Variants in MON2 observed in about 807,000 individuals in gnomAD.
MON2 encodes protein MON2 homolog.
Under a neutral mutation model 208.6 loss-of-function variants are expected in MON2, and 84 were observed. The ratio of observed to expected loss-of-function variants is 0.40; its 90% CI spans 0.34 to 0.48. The LOEUF (loss-of-function observed/expected upper bound fraction) is 0.48. MON2 is among the 20% of genes least tolerant of loss of function. MON2 has a pLI of 0.59. For missense variants in MON2, 1,611 were observed against 2,015.4 expected (o/e 0.80, Z 3.84); for synonymous variants, 660 against 694.0 (o/e 0.95, Z 0.77).
In MON2 at chr12:62,571,393, C is replaced by T; in HGVS notation, c.4325C>T (p.Thr1442Ile). 3 of 1,587,580 alleles carry T rather than the reference C, an allele frequency of 1.9e-6. No individual in the cohort carries two copies. Among genetic ancestry groups the T allele is most frequent in the Non-Finnish European group, 2.6e-6 (3 of 1,164,144 alleles). The change falls in exon 30 of 35, where the codon ACT (threonine) becomes ATT (isoleucine). Residue 1442 changes from threonine (T) to isoleucine (I), a missense_variant and splice_region_variant. By Grantham distance (89) the Thr-to-Ile change is moderately conservative. Coordinates refer to ENST00000393630, the MANE Select transcript of MON2 (RefSeq NM_015026.3). Reference sequence around the variant, plus strand: ...ATATTAAACTGTCTTTATTTTCAGACTCTTAGGGTTCCTCTCAGTTTGAAG... The same window carrying T: ...ATATTAAACTGTCTTTATTTTCAGATTCTTAGGGTTCCTCTCAGTTTGAAG... The part of the protein sequence containing the change: ...NEKVLQNIIK[T>I]LRVPLSLKYS...
intron 11 of MON2, among the ~76,000 whole-genome samples, chr12:62,527,929 C>T (rs1369203662): frequency 6.6e-6 from 1 of 151,754 alleles, no homozygotes; most frequent in Non-Finnish European, 1.5e-5. Context: ...TTAGTAAAAG[C>T]CTACCAACAC....
intron 1 of MON2, among the ~76,000 whole-genome samples, 167 bp from the exon 2 acceptor site, chr12:62,484,003 G>C (rs541395477): frequency 1.3e-5 from 2 of 152,252 alleles, no homozygotes; most frequent in Admixed American, 6.5e-5. Context: ...TACATTTAAC[G>C]TATATGTCAC....
At position 62,501,447 on chromosome 12, in the gene MON2, T is replaced by C. The variant is rs565329395; in HGVS notation, c.664-126T>C. ...TGTCAAAATTGGAATTACCAGTGCT[T>C]AGTTTCTAAGGAGCAAAAACATGTA... On this transcript the variant is annotated intron_variant, in intron 6 of 34. Transcript: ENST00000393630. 2.5e-4 allele frequency: 267 copies of C among 1,061,372 alleles called. 2 individuals are homozygous for C. In the African/African-American group the frequency reaches 4.0e-3, roughly 16 times the overall value. The allele number at this position is 1,061,372 out of a possible 1,614,324, so 65.7% of individuals were successfully genotyped here. A position where few individuals can be genotyped will look rare whatever the true frequency, so the allele number is the denominator to read the frequency against.
intron 16 of MON2, 93 bp downstream of exon 16, chr12:62,537,799 G>A: frequency 1.0e-6 from 1 of 998,644 alleles, no homozygotes; most frequent in Non-Finnish European, 1.5e-6. Flanking sequence ...GTTTTGGACA[G>A]GCCTAAAAAA....
intron 1 of MON2, among the ~76,000 whole-genome samples, chr12:62,471,895 T>C (rs1382543814): frequency 2.6e-5 from 4 of 152,224 alleles, no homozygotes; most frequent in Non-Finnish European, 5.9e-5. Flanking sequence ...CGGGTTTGAA[T>C]GTGACAAATT....
chr12:62,507,638 TA>T (rs2071174081), intron 7 of MON2, among the ~76,000 whole-genome samples: 1 of 152,084 alleles, frequency 6.6e-6, no homozygotes, highest in Non-Finnish European at 1.5e-5. Flanking sequence ...TTCTTCTGTT[TA>T]TGTTTTTAAT....
chr12:62,534,031 G>A (rs972302696), intron 12 of MON2, among the ~76,000 whole-genome samples: 6 of 152,132 alleles, frequency 3.9e-5, no homozygotes, highest in South Asian at 2.1e-4. Flanking sequence ...GTTACACTGC[G>A]CCCTGCCCTC....
chr12:62,592,886 C>G lies in MON2; in HGVS notation c.*137C>G. On this transcript the variant is annotated 3_prime_UTR_variant, in exon 35 of 35. Transcript: ENST00000393630. ...TTGGCCTCCTTTAAATTCTACTTAC[C>G]TGAGTTCAGTAATTCATATTACAGG... The G allele has an allele frequency of 2.5e-6, 2 of 801,788 alleles. No individual in the cohort carries two copies. Among genetic ancestry groups the G allele is most frequent in the Non-Finnish European group, 1.9e-6 (1 of 531,144 alleles). The allele number at this position is 801,788 out of a possible 1,614,324, so 49.7% of individuals were successfully genotyped here.
At chr12:62,577,682 A>G (rs1176072031) in intron 30 of MON2, among the ~76,000 whole-genome samples, 1 of 152,074 alleles carries the variant, frequency 6.6e-6, no homozygotes, top group Non-Finnish European at 1.5e-5. Context: ...TGATTATATA[A>G]TAATTACTAC....
chr12:62,588,999 C>A, intron 34 of MON2: 4 of 825,258 alleles, frequency 4.8e-6, no homozygotes, highest in African/African-American at 1.8e-5. Context: ...TACAATTATG[C>A]ATGTACATGA....
intron 1 of MON2, among the ~76,000 whole-genome samples, chr12:62,468,302 C>T (rs1327138391): frequency 2.6e-5 from 4 of 152,084 alleles, no homozygotes; most frequent in Non-Finnish European, 5.9e-5. Flanking sequence ...TCCCAAAGTG[C>T]TGGGATTACA....
At chr12:62,551,300 T>C (rs1000290456) in intron 23 of MON2, among the ~76,000 whole-genome samples, 1 of 152,134 alleles carries the variant, frequency 6.6e-6, no homozygotes, top group Non-Finnish European at 1.5e-5. Flanking sequence ...CAGGTCATTG[T>C]AGGGTTATTA....
At chr12:62,488,549 G>A (rs557971559) in intron 2 of MON2, among the ~76,000 whole-genome samples, 15 of 152,062 alleles carry the variant, frequency 9.9e-5, no homozygotes, top group Non-Finnish European at 1.8e-4. Flanking sequence ...GAAGTGACAC[G>A]TTCATATTTA....
chr12:62,565,457 TTTGA>T, intron 27 of MON2, 77 bp downstream of exon 27: 1 of 1,251,448 alleles, frequency 8.0e-7, no homozygotes, highest in African/African-American at 1.5e-5. Flanking sequence ...TAAGATGGAC[TTTGA>T]TTATCTCGGA....
At chr12:62,525,339 G>A in intron 10 of MON2, 119 bp downstream of exon 10, 2 of 972,962 alleles carry the variant, frequency 2.1e-6, no homozygotes, top group Admixed American at 2.5e-5. Flanking sequence ...TAAACATGTT[G>A]GTAGTAAAGA....
chr12:62,557,615 T>C (rs1660416198), intron 25 of MON2, among the ~76,000 whole-genome samples: 1 of 152,168 alleles, frequency 6.6e-6, no homozygotes, highest in African/African-American at 2.4e-5. Flanking sequence ...TATTTTATTA[T>C]TTCGTGTTTG....
At position 62,598,951 on chromosome 12, in the gene MON2, T is replaced by A. The variant is rs2075577892; in HGVS notation, c.*6202T>A. 1 of 152,192 alleles carries A rather than the reference T, an allele frequency of 6.6e-6. No individual in the cohort carries two copies. Among genetic ancestry groups the A allele is most frequent in the Non-Finnish European group, 1.5e-5 (1 of 68,008 alleles). 9.4% of individuals were successfully genotyped at this position (152,192 alleles called of 1,614,324 possible). On this transcript the variant is annotated 3_prime_UTR_variant, in exon 35 of 35. Coordinates refer to ENST00000393630, the MANE Select transcript of MON2 (RefSeq NM_015026.3). ...TAACTTAAAATCATAACCACTTTGA[T>A]AATTTACCTTTGGATCTGACCAGTG...
At chr12:62,591,563 A>C (rs1325376059) in intron 34 of MON2, among the ~76,000 whole-genome samples, 1 of 152,224 alleles carries the variant, frequency 6.6e-6, no homozygotes, top group African/African-American at 2.4e-5. Context: ...TAGTCTCCAA[A>C]AGGTGAGAGA....
chr12:62,502,482 GTTACA>G (rs1167033639), intron 7 of MON2, among the ~76,000 whole-genome samples: 1 of 151,608 alleles, frequency 6.6e-6, no homozygotes, highest in East Asian at 1.9e-4. Flanking sequence ...ACAGTTTAGT[GTTACA>G]TTACTTTTTT....
Sources: allele counts gnomAD v4.1 joint callset (sites outside exome capture counted in the v4.1 genomes callset), GRCh38; gene constraint gnomAD v4.1.1; transcripts MANE v1.5; gene names NCBI Gene and HGNC (gene_info 2026-07-23, HGNC 2026-07-21).